AKT3: variants seen among roughly 807,000 people sequenced by gnomAD.
AKT3 encodes AKT serine/threonine kinase 3.
AKT3 carries 15 observed loss-of-function variants against 65.3 expected under a neutral mutation model. The ratio of observed to expected loss-of-function variants is 0.23; its 90% confidence interval spans 0.15 to 0.35. The LOEUF (loss-of-function observed/expected upper bound fraction) is 0.35, where lower values mean the gene tolerates loss of function less well. Ranked by LOEUF, AKT3 falls within the 10% of genes least tolerant of loss-of-function variation. The pLI is 1.00. For synonymous variants in AKT3, 206 were observed against 183.8 expected, an observed-to-expected ratio of 1.12 and a Z score of -0.98; for missense variants, 243 against 576.5, an observed-to-expected ratio of 0.42 and a Z score of 5.92.
chr1:243,849,966 G>T (rs2148491555), intron 1 of AKT3, 74 bp downstream of exon 1: 1 of 959,508 alleles, frequency 1.0e-6, no homozygotes, highest in South Asian at 4.7e-5. Context: ...AGGGAGGGCG[G>T]ACCGGGGCCC....
At position 243,492,403 on chromosome 1, in the gene AKT3, G is replaced by A. The variant is rs536206918; in HGVS notation, c.*7-3953C>T. Among the ~76,000 whole-genome samples the A allele has an allele frequency of 1.8e-4, 24 of 132,616 alleles. 1 individual carries two copies. The highest frequency in any genetic ancestry group is 4.8e-4 in the African/African-American group (17 of 35,158). The allele number at this position is 132,616 out of a possible 152,430, so 87.0% of individuals were successfully genotyped here. A position where few individuals can be genotyped will look rare whatever the true frequency, so the allele number is the denominator to read the frequency against. ...TGCAACCTCCGCCTCCCGGCTTCAAGTGATTCTCCTGCCTCAGGCTCCCAA... is the reference window on the plus strand; with the variant it reads ...TGCAACCTCCGCCTCCCGGCTTCAAATGATTCTCCTGCCTCAGGCTCCCAA... On this transcript the variant is annotated intron_variant, in intron 13 of 13. Coordinates refer to the AKT3 transcript ENST00000336199.
chr1:243,528,968 T>C (rs968781656), intron 12 of AKT3, among the ~76,000 whole-genome samples: 2 of 152,156 alleles, frequency 1.3e-5, no homozygotes, highest in Non-Finnish European at 2.9e-5. Flanking sequence ...GCATCTGTTA[T>C]TTTTTGACTT....
intron 2 of AKT3, among the ~76,000 whole-genome samples, chr1:243,786,699 G>A (rs747524000): frequency 6.6e-5 from 10 of 152,066 alleles, no homozygotes; most frequent in Non-Finnish European, 1.0e-4. Context: ...GGGGGTGCGC[G>A]GTGGAGATGG....
chr1:243,685,455 T>G (rs546451778), intron 3 of AKT3, among the ~76,000 whole-genome samples: 1 of 152,294 alleles, frequency 6.6e-6, no homozygotes, highest in Non-Finnish European at 1.5e-5. Context: ...CCATTGCTTG[T>G]TTTTGTCAGG....
At chr1:243,600,862 T>C (rs1676954045) in intron 8 of AKT3, among the ~76,000 whole-genome samples, 1 of 152,132 alleles carries the variant, frequency 6.6e-6, no homozygotes, top group Admixed American at 6.5e-5. Flanking sequence ...ATGAATTGTG[T>C]TTCCTCTAAT....
At chr1:243,738,810 C>T (rs1008955348) in intron 2 of AKT3, among the ~76,000 whole-genome samples, 3 of 152,116 alleles carry the variant, frequency 2.0e-5, no homozygotes, top group Non-Finnish European at 4.4e-5. Flanking sequence ...ATTAAAAATG[C>T]TAAAATCCAA....
intron 6 of AKT3, among the ~76,000 whole-genome samples, chr1:243,630,754 A>G (rs1679545636): frequency 6.6e-6 from 1 of 152,180 alleles, no homozygotes; most frequent in African/African-American, 2.4e-5. Context: ...TAACATTTTC[A>G]GTCTGTTCTG....
chr1:243,649,748 C>CT (rs1456229026), intron 4 of AKT3, among the ~76,000 whole-genome samples: 2 of 152,034 alleles, frequency 1.3e-5, no homozygotes, highest in Admixed American at 1.3e-4. Context: ...TGAACTCATC[C>CT]TTTTTTATGG....
intron 5 of AKT3, among the ~76,000 whole-genome samples, chr1:243,642,441 C>T (rs948448733): frequency 1.3e-5 from 2 of 152,196 alleles, no homozygotes; most frequent in Non-Finnish European, 2.9e-5. Context: ...TCCCGAGTAG[C>T]TGGGACTACA....
At chr1:243,737,412 C>T (rs939790481) in intron 2 of AKT3, among the ~76,000 whole-genome samples, 1 of 152,158 alleles carries the variant, frequency 6.6e-6, no homozygotes, top group African/African-American at 2.4e-5. Flanking sequence ...GGAGCCCCTT[C>T]TGTTATTCCT....
At chr1:243,545,785 G>C (rs1343325820) in intron 11 of AKT3, among the ~76,000 whole-genome samples, 188 bp from the exon 12 acceptor site, 1 of 152,200 alleles carries the variant, frequency 6.6e-6, no homozygotes, top group Non-Finnish European at 1.5e-5. Context: ...ACTAGCTTCA[G>C]AACAGTATGG....
intron 12 of AKT3, among the ~76,000 whole-genome samples, chr1:243,525,404 A>T (rs1253924553): frequency 6.6e-6 from 1 of 152,120 alleles, no homozygotes. Context: ...CACTAGAAAA[A>T]GACATCAAAG....
At chr1:243,655,140 C>T (rs1351356806) in intron 4 of AKT3, among the ~76,000 whole-genome samples, 2 of 152,072 alleles carry the variant, frequency 1.3e-5, no homozygotes, top group African/African-American at 4.8e-5. Flanking sequence ...CTTATCTTTG[C>T]ATGTTTCACT....
intron 6 of AKT3, among the ~76,000 whole-genome samples, chr1:243,637,156 T>C (rs1680034686): frequency 7.2e-5 from 11 of 152,248 alleles, no homozygotes; most frequent in Admixed American, 5.9e-4. Flanking sequence ...TAAGTCTTCC[T>C]AAAATAATTT....
intron 12 of AKT3, among the ~76,000 whole-genome samples, chr1:243,527,336 T>C (rs552103966): frequency 4.6e-5 from 7 of 152,200 alleles, no homozygotes; most frequent in Non-Finnish European, 7.3e-5. Context: ...TTTTTCTTCT[T>C]TTCTGAAGGA....
At chr1:243,750,425 ACACACACACG>A (rs1278488518) in intron 2 of AKT3, among the ~76,000 whole-genome samples, 4 of 151,694 alleles carry the variant, frequency 2.6e-5, no homozygotes, top group South Asian at 2.1e-4. Context: ...ACACACACAC[ACACACACACG>A]CACGCACGCA....
At chr1:243,632,360 C>G (rs976622241) in intron 6 of AKT3, among the ~76,000 whole-genome samples, 1 of 152,160 alleles carries the variant, frequency 6.6e-6, no homozygotes, top group African/African-American at 2.4e-5. Flanking sequence ...ATATCTGGTG[C>G]ATTGTCAATG....
chr1:243,776,268 C>T (rs1572330513), intron 2 of AKT3, among the ~76,000 whole-genome samples: 2 of 152,174 alleles, frequency 1.3e-5, no homozygotes, highest in South Asian at 4.1e-4. Flanking sequence ...ATGTTAGAGG[C>T]ACACTGCTGC....
chr1:243,547,930 T>A (rs771328621), intron 11 of AKT3: 6 of 152,182 alleles, frequency 3.9e-5, no homozygotes, highest in African/African-American at 1.4e-4. Flanking sequence ...CTGTTCGATG[T>A]TTGCATTTGG....
Sources: allele counts gnomAD v4.1 joint callset (sites outside exome capture counted in the v4.1 genomes callset), GRCh38; gene constraint gnomAD v4.1.1; transcripts MANE v1.5; gene names NCBI Gene and HGNC (gene_info 2026-07-23, HGNC 2026-07-21).